The following PDE10A variants were observed in gnomAD, a reference collection of about 807,000 sequenced individuals.
PDE10A encodes the protein phosphodiesterase 10A, also known as cAMP and cAMP-inhibited cGMP 3',5'-cyclic phosphodiesterase 10A.
In PDE10A, 39 loss-of-function variants were observed where a neutral mutation model predicts 97.7. The ratio of observed to expected loss-of-function variants is 0.40; its 90% CI spans 0.31 to 0.52. PDE10A has a LOEUF of 0.52. Among genes scored for constraint, PDE10A ranks in the 20% least tolerant of loss-of-function variants. The probability of loss-of-function intolerance (pLI) is 0.56; values close to 1 mark genes in which losing one functional copy is unlikely to be tolerated. For synonymous variants in PDE10A, 371 were observed against 376.8 expected (o/e 0.98, Z 0.18); for missense variants, 731 against 1,047.8 (o/e 0.70, Z 4.17).
At chr6:165,392,866 T>G in intron 15 of PDE10A, 70 bp from the exon 16 acceptor site, 2 of 1,370,554 alleles carry the variant, frequency 1.5e-6, no homozygotes. Context: ...AACTCCCTAG[T>G]TTAGGTACAT....
chr6:165,901,594 G>A (rs932669160), intron 1 of PDE10A, among the ~76,000 whole-genome samples: 8 of 152,114 alleles, frequency 5.3e-5, no homozygotes, highest in South Asian at 2.1e-4. Context: ...CCTGAGGTCC[G>A]GAGTTTGAGA....
intron 1 of PDE10A, among the ~76,000 whole-genome samples, chr6:165,586,325 G>A (rs1785909283): frequency 6.6e-6 from 1 of 152,130 alleles, no homozygotes; most frequent in Non-Finnish European, 1.5e-5. Flanking sequence ...GATAGTACAT[G>A]TTTCCATTAA....
At chr6:165,831,609 C>A (rs1779917784) in intron 1 of PDE10A, among the ~76,000 whole-genome samples, 1 of 150,930 alleles carries the variant, frequency 6.6e-6, no homozygotes, top group African/African-American at 2.4e-5. Flanking sequence ...TCCTGAGTAG[C>A]TGGGACTACG....
At chr6:165,864,753 T>C (rs1780994090) in intron 1 of PDE10A, among the ~76,000 whole-genome samples, 1 of 152,184 alleles carries the variant, frequency 6.6e-6, no homozygotes, top group African/African-American at 2.4e-5. Context: ...GCAAAAAAAT[T>C]AATGTCCCCA....
rs538370922 is a variant in PDE10A, at chr6:165,443,104, T to A, written c.1194+5824A>T. Among the ~76,000 whole-genome samples, 868 of 116,780 alleles carry A rather than the reference T, an allele frequency of 7.4e-3. 7 individuals are homozygous for A. Among genetic ancestry groups the A allele is most frequent in the Non-Finnish European group, 0.012 (690 of 59,234 alleles). 76.6% of individuals were successfully genotyped at this position (116,780 alleles called of 152,430 possible). ...TCCAGCCTGGGTGACAGAGCAAGGC[T>A]CTGTCTCAAAAAAAAAAAAAAAAAA... On this transcript the variant is annotated intron_variant, in intron 5 of 21. Coordinates refer to ENST00000539869, the MANE Select transcript of PDE10A (RefSeq NM_001385079.1).
At chr6:165,503,264 A>G (rs1229343438) in intron 2 of PDE10A, among the ~76,000 whole-genome samples, 1 of 152,090 alleles carries the variant, frequency 6.6e-6, no homozygotes, top group Non-Finnish European at 1.5e-5. Context: ...ATTCCTCCAC[A>G]TTTACTAAGA....
chr6:165,515,148 C>T (rs1781719389), intron 2 of PDE10A, among the ~76,000 whole-genome samples: 1 of 152,158 alleles, frequency 6.6e-6, no homozygotes, highest in East Asian at 1.9e-4. Context: ...GGAGTGAACA[C>T]TATATTTTTC....
At chr6:165,824,063 G>T (rs1446613547) in intron 1 of PDE10A, among the ~76,000 whole-genome samples, 2 of 152,200 alleles carry the variant, frequency 1.3e-5, no homozygotes, top group Non-Finnish European at 2.9e-5. Flanking sequence ...CTTAAATGCT[G>T]TCTGACCCTT....
At chr6:165,643,196 T>C (rs1171356714) in intron 1 of PDE10A, among the ~76,000 whole-genome samples, 2 of 151,968 alleles carry the variant, frequency 1.3e-5, no homozygotes, top group South Asian at 2.1e-4. Context: ...GGTGGATGCA[T>C]AGGTAGGTGG....
intron 1 of PDE10A, among the ~76,000 whole-genome samples, chr6:165,944,449 C>T (rs1365820425): frequency 6.6e-6 from 1 of 152,200 alleles, no homozygotes; most frequent in African/African-American, 2.4e-5. Context: ...ATGGGACACT[C>T]ACTTCTACAA....
chr6:165,577,955 C>A (rs975741283), intron 1 of PDE10A, among the ~76,000 whole-genome samples: 2 of 152,170 alleles, frequency 1.3e-5, no homozygotes, highest in Non-Finnish European at 2.9e-5. Flanking sequence ...TGGGCCCTGC[C>A]ACTCCTTGCA....
At chr6:165,667,127 G>A (rs555554619), upstream of PDE10A, among the ~76,000 whole-genome samples, 1 of 152,324 alleles carries the variant, frequency 6.6e-6, no homozygotes, top group Admixed American at 6.5e-5. Context: ...GGACAGCCTT[G>A]AAAACAGACC....
chr6:165,769,184 A>G (rs746912901), intron 1 of PDE10A, among the ~76,000 whole-genome samples: 1 of 152,242 alleles, frequency 6.6e-6, no homozygotes, highest in Non-Finnish European at 1.5e-5. Context: ...AACAGTGGTC[A>G]TTAGCCACAC....
chr6:165,941,641 C>G lies in PDE10A; in HGVS notation c.-615+45888G>C, dbSNP rs376733239. On this transcript the variant is annotated intron_variant, in intron 1 of 19. Transcript: ENST00000366882. Reference sequence around the variant, plus strand: ...GTGTAGCAACTCCCTCCCCCACTCTCCCTTGCTCCTGCTTTTGCCATGTGA... The same window carrying G: ...GTGTAGCAACTCCCTCCCCCACTCTGCCTTGCTCCTGCTTTTGCCATGTGA... Among the ~76,000 whole-genome samples, 19 of 152,202 alleles carry G rather than the reference C, an allele frequency of 1.2e-4. 1 individual carries two copies. The highest frequency in any genetic ancestry group is 7.2e-4 in the Admixed American group (11 of 15,284).
At chr6:165,631,521 AT>A (rs1355922707) in intron 1 of PDE10A, among the ~76,000 whole-genome samples, 24 of 152,220 alleles carry the variant, frequency 1.6e-4, no homozygotes, top group African/African-American at 5.5e-4. Context: ...GTAATCAGTG[AT>A]TTCCTCCAAA....
chr6:165,505,550 A>G (rs1303679757), intron 2 of PDE10A, among the ~76,000 whole-genome samples: 2 of 152,222 alleles, frequency 1.3e-5, no homozygotes. Context: ...CTAGGTCACT[A>G]TAAGCTTTGC....
At chr6:165,738,761 T>C (rs1176099327) in intron 1 of PDE10A, among the ~76,000 whole-genome samples, 11 of 152,208 alleles carry the variant, frequency 7.2e-5, no homozygotes, top group Non-Finnish European at 1.5e-4. Context: ...CTCTGATGGC[T>C]GGTGATGGTG....
At position 165,418,058 on chromosome 6, in the gene PDE10A, C is replaced by T. The variant is rs936008600; in HGVS notation, c.1796+577G>A. On this transcript the variant is annotated intron_variant, in intron 11 of 21. Transcript: ENST00000539869. This position sits in a 1 kb window ranked among gnomAD's most constrained non-coding sequence, Gnocchi z 4.8. Reference sequence around the variant, plus strand: ...GCGATATGAGCAAGCCCCCATGCCTCCATCAACAAAATAAACTCCATTCTG... The same window carrying T: ...GCGATATGAGCAAGCCCCCATGCCTTCATCAACAAAATAAACTCCATTCTG... Among the ~76,000 whole-genome samples, 2 of 152,116 alleles carry T rather than the reference C, an allele frequency of 1.3e-5. No homozygotes were observed. The highest frequency in any genetic ancestry group is 4.8e-5 in the African/African-American group (2 of 41,404).
At chr6:165,983,609 C>T (rs1785086599) in intron 1 of PDE10A, among the ~76,000 whole-genome samples, 2 of 152,212 alleles carry the variant, frequency 1.3e-5, no homozygotes, top group Non-Finnish European at 2.9e-5. Flanking sequence ...TTCATACATG[C>T]TATAATATAC....
Sources: allele counts gnomAD v4.1 joint callset (sites outside exome capture counted in the v4.1 genomes callset), GRCh38; gene constraint gnomAD v4.1.1; non-coding constraint Gnocchi (gnomAD v3.1); transcripts MANE v1.5; gene names NCBI Gene and HGNC (gene_info 2026-07-23, HGNC 2026-07-21).